GRM1: variants seen among roughly 807,000 people sequenced by gnomAD.
The protein encoded by GRM1 is glutamate metabotropic receptor 1, also known as metabotropic glutamate receptor 1.
Under a neutral mutation model 90.9 loss-of-function variants are expected in GRM1, and 33 were observed. The observed-to-expected ratio is 0.36, with a 90% CI of 0.28 to 0.49. GRM1 has a LOEUF of 0.49. GRM1 is among the 20% of genes least tolerant of loss of function. The probability of loss-of-function intolerance (pLI) is 0.99; values close to 1 mark genes in which losing one functional copy is unlikely to be tolerated. For missense variants in GRM1, 1,190 were observed against 1,534.3 expected, an observed-to-expected ratio of 0.78 and a Z score of 3.75; for synonymous variants, 700 against 613.2, an observed-to-expected ratio of 1.14 and a Z score of -2.09.
chr6:146,060,471 G>C (rs369466930), intron 1 of GRM1, among the ~76,000 whole-genome samples: 50 of 152,096 alleles, frequency 3.3e-4, no homozygotes, highest in African/African-American at 1.1e-3. Flanking sequence ...TCAATGTCTA[G>C]CTGCCATTTA....
intron 2 of GRM1, among the ~76,000 whole-genome samples, chr6:146,255,933 T>C (rs111585234): frequency 1.4e-4 from 21 of 152,278 alleles, no homozygotes; most frequent in Non-Finnish European, 2.4e-4. Flanking sequence ...ATATCCAAGA[T>C]GTGTATTTGT....
intron 2 of GRM1, among the ~76,000 whole-genome samples, chr6:146,198,629 A>G (rs1017005922): frequency 1.3e-5 from 2 of 152,186 alleles, no homozygotes; most frequent in Non-Finnish European, 1.5e-5. Flanking sequence ...GATGAGACTT[A>G]TTTATTACTT....
chr6:146,425,179 T>A (rs1778152363), intron 7 of GRM1, among the ~76,000 whole-genome samples: 1 of 151,554 alleles, frequency 6.6e-6, no homozygotes. Flanking sequence ...ATTGTACATA[T>A]GGATTAACTT....
chr6:146,422,828 A>G (rs1778047228), intron 7 of GRM1, among the ~76,000 whole-genome samples: 1 of 152,180 alleles, frequency 6.6e-6, no homozygotes, highest in South Asian at 2.1e-4. Flanking sequence ...GACTATTTGG[A>G]CAATGGAAAT....
At chr6:146,122,309 A>C (rs145578103) in intron 1 of GRM1, among the ~76,000 whole-genome samples, 177 of 152,170 alleles carry the variant, frequency 1.2e-3, no homozygotes, top group African/African-American at 4.1e-3. Flanking sequence ...CCTTGGCAAG[A>C]TAATGTTTGT....
At position 146,352,341 on chromosome 6, in the gene GRM1, C is replaced by T; in HGVS notation, c.1278C>T (p.Asn426=). ...AIYAMAHGLQ[N]MHHALCPGHV... ...ATGCCATGGCACATGGGCTGCAGAA[C>T]ATGCACCATGCCCTCTGCCCTGGCC... The change falls in exon 4 of 8, where the codon AAC becomes AAT. Residue 426 remains asparagine, a synonymous_variant. Transcript: ENST00000282753. 1 of 1,614,036 alleles carries T rather than the reference C, an allele frequency of 6.2e-7. No individual in the cohort carries two copies. The highest frequency in any genetic ancestry group is 8.5e-7 in the Non-Finnish European group (1 of 1,179,870).
chr6:146,173,602 T>G (rs1346369264), intron 2 of GRM1, among the ~76,000 whole-genome samples: 1 of 151,858 alleles, frequency 6.6e-6, no homozygotes, highest in Non-Finnish European at 1.5e-5. Flanking sequence ...TGATGGATGA[T>G]TCCAGAGTTT....
chr6:146,419,724 G>A (rs1156831316), intron 7 of GRM1, among the ~76,000 whole-genome samples: 1 of 152,192 alleles, frequency 6.6e-6, no homozygotes, highest in Non-Finnish European at 1.5e-5. Context: ...AGGAAAGCAA[G>A]TGAGTGAAGG....
intron 2 of GRM1, among the ~76,000 whole-genome samples, chr6:146,288,664 C>A (rs938335965): frequency 1.3e-5 from 2 of 152,084 alleles, no homozygotes; most frequent in African/African-American, 2.4e-5. Flanking sequence ...AGCCACCATG[C>A]CCGGCTAATT....
At chr6:146,226,953 G>C (rs769673989) in intron 2 of GRM1, among the ~76,000 whole-genome samples, 15 of 151,840 alleles carry the variant, frequency 9.9e-5, no homozygotes, top group Admixed American at 3.3e-4. Context: ...TAGGAGAACT[G>C]TTCAGAACTG....
Position 146,434,523 on chromosome 6 carries a change from G to T in GRM1, c.3312G>T (p.Lys1104Asn). Residue 1104 changes from lysine (K) to asparagine (N), a missense_variant, in exon 8 of 8, where the codon AAG (lysine) becomes AAT (asparagine). By Grantham distance (94) the Lys-to-Asn change is moderately conservative. Around this residue, in one of 10 missense-constraint regions of GRM1, gnomAD observed 400 missense variants for 360.8 expected, o/e 1.11. Coordinates refer to ENST00000282753, the MANE Select transcript of GRM1 (RefSeq NM_001278064.2). ...ADDDDDSERF[K>N]LLQEYVYEHE... ...ACGACGACGACAGCGAGAGGTTTAA[G>T]CTCCTCCAGGAGTACGTGTATGAGC... 6.2e-7 allele frequency: 1 copy of T among 1,614,096 alleles called. No individual in the cohort carries two copies.
At chr6:146,157,158 G>T (rs374539161) in intron 1 of GRM1, among the ~76,000 whole-genome samples, 1 of 152,180 alleles carries the variant, frequency 6.6e-6, no homozygotes, top group African/African-American at 2.4e-5. Context: ...TTGAGTCCTG[G>T]TATGACAATT....
At chr6:146,333,274 G>A (rs1247102501) in intron 3 of GRM1, among the ~76,000 whole-genome samples, 1 of 152,112 alleles carries the variant, frequency 6.6e-6, no homozygotes, top group Non-Finnish European at 1.5e-5. Context: ...TTCCTCATAT[G>A]GGTGCAAACA....
chr6:146,083,767 T>A (rs1472899198), intron 1 of GRM1, among the ~76,000 whole-genome samples: 1 of 151,988 alleles, frequency 6.6e-6, no homozygotes, highest in Non-Finnish European at 1.5e-5. Context: ...TAGGGAGGAG[T>A]CCCTCCTTTT....
intron 5 of GRM1, among the ~76,000 whole-genome samples, chr6:146,364,094 A>G (rs1003488260): frequency 6.6e-6 from 1 of 152,224 alleles, no homozygotes; most frequent in African/African-American, 2.4e-5. Context: ...ATTGTAAATC[A>G]TGCTGGGTTG....
At chr6:146,036,974 C>G (rs1425550765) in intron 1 of GRM1, among the ~76,000 whole-genome samples, 4 of 151,776 alleles carry the variant, frequency 2.6e-5, no homozygotes, top group Non-Finnish European at 5.9e-5. Flanking sequence ...AATATATAGA[C>G]AGTTATAGGC....
chr6:146,414,552 G>C (rs903052828), intron 7 of GRM1, among the ~76,000 whole-genome samples: 2 of 151,876 alleles, frequency 1.3e-5, no homozygotes, highest in Non-Finnish European at 2.9e-5. Context: ...ACAGGCGCCC[G>C]CCACCACGCC....
At chr6:146,380,426 C>A (rs541337616) in intron 5 of GRM1, among the ~76,000 whole-genome samples, 2 of 151,910 alleles carry the variant, frequency 1.3e-5, no homozygotes, top group African/African-American at 2.4e-5. Flanking sequence ...GTCACTGCCA[C>A]CCCAGGCCAT....
At chr6:146,277,772 CTG>C (rs1283323624) in intron 2 of GRM1, among the ~76,000 whole-genome samples, 1 of 152,098 alleles carries the variant, frequency 6.6e-6, no homozygotes, top group Non-Finnish European at 1.5e-5. Flanking sequence ...ATAGTTGAGA[CTG>C]AGGGTGAATT....
Sources: allele counts gnomAD v4.1 joint callset (sites outside exome capture counted in the v4.1 genomes callset), GRCh38; gene constraint gnomAD v4.1.1; regional missense constraint gnomAD v4.1.1; transcripts MANE v1.5; gene names NCBI Gene and HGNC (gene_info 2026-07-23, HGNC 2026-07-21).